SH3GL2: variants seen among roughly 807,000 people sequenced by gnomAD.
SH3GL2 encodes SH3 domain containing GRB2 like 2, endophilin A1, also known as endophilin-A1.
In SH3GL2, 24 loss-of-function variants were observed where a neutral mutation model predicts 46.0. The observed-to-expected ratio is 0.52, with a 90% CI of 0.38 to 0.73. The LOEUF (loss-of-function observed/expected upper bound fraction) is 0.73. SH3GL2 is among the 30% of genes least tolerant of loss of function. The probability of loss-of-function intolerance (pLI) is 0.00; values close to 1 mark genes in which losing one functional copy is unlikely to be tolerated. For missense variants in SH3GL2, 413 were observed against 424.2 expected, an observed-to-expected ratio of 0.97 and a Z score of 0.23; for synonymous variants, 196 against 147.1, an observed-to-expected ratio of 1.33 and a Z score of -2.40.
At chr9:17,618,222 A>G (rs1048971767) in intron 1 of SH3GL2, among the ~76,000 whole-genome samples, 1 of 152,216 alleles carries the variant, frequency 6.6e-6, no homozygotes, top group African/African-American at 2.4e-5. Context: ...TCTGGTAAGT[A>G]GAGCTCAAGG....
At chr9:17,656,463 C>T (rs1158788103) in intron 1 of SH3GL2, among the ~76,000 whole-genome samples, 1 of 151,860 alleles carries the variant, frequency 6.6e-6, no homozygotes, top group African/African-American at 2.4e-5. Flanking sequence ...TTGTAGATTG[C>T]AAGTAACGTA....
chr9:17,663,572 G>A (rs1204692639), intron 1 of SH3GL2, among the ~76,000 whole-genome samples: 2 of 152,036 alleles, frequency 1.3e-5, no homozygotes, highest in Non-Finnish European at 2.9e-5. Flanking sequence ...TCTGAAATAC[G>A]GATTTATTGT....
intron 1 of SH3GL2, among the ~76,000 whole-genome samples, chr9:17,632,308 C>T (rs1157739350): frequency 6.6e-6 from 1 of 152,182 alleles, no homozygotes; most frequent in Non-Finnish European, 1.5e-5. Flanking sequence ...ATCTCTAACA[C>T]AACTATTTTT....
intron 1 of SH3GL2, among the ~76,000 whole-genome samples, chr9:17,670,503 A>G (rs1416519433): frequency 6.6e-6 from 1 of 152,206 alleles, no homozygotes; most frequent in African/African-American, 2.4e-5. Context: ...TAGGGCCAAT[A>G]GCTCCTAATA....
intron 1 of SH3GL2, among the ~76,000 whole-genome samples, chr9:17,633,284 A>G (rs1296314836): frequency 6.6e-6 from 1 of 152,104 alleles, no homozygotes. Flanking sequence ...TGGACTAGAA[A>G]TCAGTTGGTG....
chr9:17,695,892 C>G (rs964683321), intron 1 of SH3GL2, among the ~76,000 whole-genome samples: 1 of 151,958 alleles, frequency 6.6e-6, no homozygotes, highest in East Asian at 1.9e-4. Flanking sequence ...TAGCTCTGAC[C>G]TTAGTAAGTC....
Position 17,698,436 on chromosome 9 carries a change from T to C in SH3GL2, c.46-48630T>C, listed in dbSNP as rs192188801. Reference sequence around the variant, plus strand: ...GGATATCTCGGTATCTGGCATGTTATGGTGAGTGGGAGACAGCCAGAAGAA... The same window carrying C: ...GGATATCTCGGTATCTGGCATGTTACGGTGAGTGGGAGACAGCCAGAAGAA... On this transcript the variant is annotated intron_variant, in intron 1 of 8. Coordinates refer to ENST00000380607, the MANE Select transcript of SH3GL2 (RefSeq NM_003026.5). Among the ~76,000 whole-genome samples, 638 of 152,168 alleles carry C rather than the reference T, an allele frequency of 4.2e-3. 6 individuals are homozygous for C. Among genetic ancestry groups the C allele is most frequent in the Non-Finnish European group, 6.2e-3 (421 of 68,034 alleles).
chr9:17,733,538 C>T (rs926667073), intron 1 of SH3GL2, among the ~76,000 whole-genome samples: 16 of 150,632 alleles, frequency 1.1e-4, no homozygotes, highest in African/African-American at 3.4e-4. Context: ...TAAACTAGTT[C>T]AACCATTGTG....
At chr9:17,583,299 A>T (rs561397153) in intron 1 of SH3GL2, among the ~76,000 whole-genome samples, 1 of 152,194 alleles carries the variant, frequency 6.6e-6, no homozygotes, top group Non-Finnish European at 1.5e-5. Context: ...CGTATGTTGA[A>T]GCTTGACTGC....
chr9:17,729,384 T>G (rs1048125999), intron 1 of SH3GL2, among the ~76,000 whole-genome samples: 27 of 152,184 alleles, frequency 1.8e-4, no homozygotes, highest in Non-Finnish European at 3.2e-4. Flanking sequence ...GATGGATAGA[T>G]TGCAAAAATT....
intron 1 of SH3GL2, among the ~76,000 whole-genome samples, chr9:17,605,431 A>G (rs1213473605): frequency 1.3e-5 from 2 of 152,172 alleles, no homozygotes; most frequent in Non-Finnish European, 2.9e-5. Context: ...TTTGTGCTCA[A>G]GAAAAATTCA....
chr9:17,658,020 A>G (rs1196176143), intron 1 of SH3GL2, among the ~76,000 whole-genome samples: 1 of 152,194 alleles, frequency 6.6e-6, no homozygotes, highest in African/African-American at 2.4e-5. Flanking sequence ...AACTGGATTA[A>G]CTGATCCACT....
intron 1 of SH3GL2, among the ~76,000 whole-genome samples, chr9:17,655,144 TG>T (rs1820045392): frequency 6.6e-6 from 1 of 152,138 alleles, no homozygotes; most frequent in Non-Finnish European, 1.5e-5. Context: ...GGTCCATAAG[TG>T]GAAAGCTGTA....
intron 1 of SH3GL2, among the ~76,000 whole-genome samples, chr9:17,612,841 G>A (rs2134584123): frequency 6.6e-6 from 1 of 152,256 alleles, no homozygotes; most frequent in African/African-American, 2.4e-5. Flanking sequence ...TTTCCACAGT[G>A]CCTACCTTGC....
intron 1 of SH3GL2, among the ~76,000 whole-genome samples, chr9:17,612,423 A>G (rs1818888633): frequency 6.6e-6 from 1 of 152,194 alleles, no homozygotes; most frequent in African/African-American, 2.4e-5. Flanking sequence ...CTCAGACCCT[A>G]TCTCAGACCT....
intron 1 of SH3GL2, among the ~76,000 whole-genome samples, chr9:17,655,105 GCTTCAGACACC>G (rs1222504611): frequency 1.3e-5 from 2 of 152,198 alleles, no homozygotes; most frequent in African/African-American, 4.8e-5. Context: ...CTCTAGAAAT[GCTTCAGACACC>G]TAAGGGCCTT....
chr9:17,795,781 A>G lies in SH3GL2; in HGVS notation c.*38A>G. The G allele has an allele frequency of 3.9e-6, 6 of 1,537,310 alleles. No individual in the cohort carries two copies. Among genetic ancestry groups the G allele is most frequent in the African/African-American group, 1.4e-5 (1 of 73,616 alleles). On this transcript the variant is annotated 3_prime_UTR_variant, in exon 9 of 9. Transcript: ENST00000380607. ...GCTGGCTCGCCTCCTCTTGACCCAG[A>G]TAGTTACGGTTAACCACTGCTTTGG...
At chr9:17,631,538 G>A (rs977288997) in intron 1 of SH3GL2, among the ~76,000 whole-genome samples, 1 of 152,084 alleles carries the variant, frequency 6.6e-6, no homozygotes, top group African/African-American at 2.4e-5. Context: ...TAGGTAAGTG[G>A]TTTCTATCCT....
At chr9:17,610,820 C>G (rs1456216660) in intron 1 of SH3GL2, among the ~76,000 whole-genome samples, 1 of 152,008 alleles carries the variant, frequency 6.6e-6, no homozygotes, top group African/African-American at 2.4e-5. Context: ...GGCAGTGCCC[C>G]CTCAAAATGA....
Sources: allele counts gnomAD v4.1 joint callset (sites outside exome capture counted in the v4.1 genomes callset), GRCh38; gene constraint gnomAD v4.1.1; transcripts MANE v1.5; gene names NCBI Gene and HGNC (gene_info 2026-07-23, HGNC 2026-07-21).